SLC30A8: variants seen among roughly 807,000 people sequenced by gnomAD.
The protein encoded by SLC30A8 is proton-coupled zinc antiporter SLC30A8.
Under a neutral mutation model 36.9 loss-of-function variants are expected in SLC30A8, and 27 were observed. The ratio of observed to expected loss-of-function variants is 0.73; its 90% CI spans 0.54 to 1.01. SLC30A8 has a LOEUF of 1.01. SLC30A8 is among the 50% of genes least tolerant of loss of function. SLC30A8 has a pLI of 0.00. For synonymous variants in SLC30A8, 164 were observed against 172.4 expected, an observed-to-expected ratio of 0.95 and a Z score of 0.38; for missense variants, 439 against 452.0, an observed-to-expected ratio of 0.97 and a Z score of 0.26.
In SLC30A8 at chr8:117,173,947, C is replaced by G. The variant is rs1408810151; in HGVS notation, c.*1266C>G. On this transcript the variant is annotated 3_prime_UTR_variant, in exon 8 of 8. Coordinates refer to ENST00000456015, the MANE Select transcript of SLC30A8 (RefSeq NM_173851.3). ...TCACGTCATTGAGGTGACAGCTCTG[C>G]TGGACTTTGAATTACATATGGAGGC... is the stretch of plus-strand genomic sequence containing the variant. The G allele has an allele frequency of 6.6e-6, 1 of 152,092 alleles. No individual in the cohort carries two copies. Among genetic ancestry groups the G allele is most frequent in the Non-Finnish European group, 1.5e-5 (1 of 68,014 alleles). The allele number at this position is 152,092 out of a possible 1,614,324, so 9.4% of individuals were successfully genotyped here.
Position 117,021,136 on chromosome 8 carries a change from G to A in SLC30A8, c.-265-18083G>A, listed in dbSNP as rs913680660. ...CAGTTACCTTTTAAATGGTTATATA[G>A]GTACCTAGTGTAATAGCCTTGATTT... On this transcript the variant is annotated intron_variant, in intron 1 of 10. Transcript: ENST00000427715. Among the ~76,000 whole-genome samples, 6 of 152,234 alleles carry A rather than the reference G, an allele frequency of 3.9e-5. 1 individual carries two copies. Among genetic ancestry groups the A allele is most frequent in the Admixed American group, 3.9e-4 (6 of 15,298 alleles).
At chr8:117,044,050 T>G (rs1388715830) in intron 2 of SLC30A8, among the ~76,000 whole-genome samples, 1 of 152,110 alleles carries the variant, frequency 6.6e-6, no homozygotes, top group African/African-American at 2.4e-5. Context: ...GATGGAAGCG[T>G]AGGATGTGAT....
chr8:117,015,543 C>CT (rs1258168495), intron 1 of SLC30A8, among the ~76,000 whole-genome samples: 5 of 152,010 alleles, frequency 3.3e-5, no homozygotes, highest in African/African-American at 1.2e-4. Context: ...TGCACCCCCC[C>CT]CCCCCAAAAA....
chr8:117,053,499 A>T (rs1419383875), intron 2 of SLC30A8, among the ~76,000 whole-genome samples: 1 of 152,142 alleles, frequency 6.6e-6, no homozygotes, highest in Non-Finnish European at 1.5e-5. Flanking sequence ...ATCTGTATGG[A>T]TGGAAGAACC....
At chr8:116,959,243 A>T (rs1314362414) in intron 1 of SLC30A8, among the ~76,000 whole-genome samples, 1 of 152,046 alleles carries the variant, frequency 6.6e-6, no homozygotes, top group Non-Finnish European at 1.5e-5. Context: ...TTTCTGCAGT[A>T]TCTAATCGGC....
intron 2 of SLC30A8, among the ~76,000 whole-genome samples, chr8:117,065,634 C>G (rs1252930192): frequency 6.6e-6 from 1 of 152,090 alleles, no homozygotes; most frequent in Non-Finnish European, 1.5e-5. Context: ...TTTACACGGT[C>G]TCTGTGGGAG....
At chr8:117,032,152 C>T (rs1817073432) in intron 1 of SLC30A8, among the ~76,000 whole-genome samples, 1 of 151,478 alleles carries the variant, frequency 6.6e-6, no homozygotes, top group Non-Finnish European at 1.5e-5. Flanking sequence ...TCTTTTCCTG[C>T]CATGCTTTTT....
chr8:117,118,292 C>G (rs1820542126), intron 2 of SLC30A8, among the ~76,000 whole-genome samples: 1 of 151,662 alleles, frequency 6.6e-6, no homozygotes, highest in South Asian at 2.1e-4. Flanking sequence ...TTTAAAATCA[C>G]AAGTTGTCTT....
At chr8:116,952,396 T>G (rs1026584560) in intron 1 of SLC30A8, among the ~76,000 whole-genome samples, 1 of 152,176 alleles carries the variant, frequency 6.6e-6, no homozygotes, top group Admixed American at 6.5e-5. Context: ...ACACAAAAAT[T>G]ATCAGTCCCT....
intron 2 of SLC30A8, among the ~76,000 whole-genome samples, chr8:117,117,284 T>A (rs1475639090): frequency 6.6e-6 from 1 of 151,982 alleles, no homozygotes; most frequent in Non-Finnish European, 1.5e-5. Context: ...GGTATTATTG[T>A]CATCCCAATT....
At chr8:116,950,449 CTAGGAGACCTACTACCTATCTGA>C (rs1167424262), upstream of SLC30A8, 1 of 152,204 alleles carries the variant, frequency 6.6e-6, no homozygotes, top group Non-Finnish European at 1.5e-5. Context: ...GTTCTAATGC[CTAGGAGACCTACTACCTATCTGA>C]TTCTGTCAGA....
At chr8:117,116,111 A>G (rs998606537) in intron 2 of SLC30A8, among the ~76,000 whole-genome samples, 7 of 151,746 alleles carry the variant, frequency 4.6e-5, no homozygotes, top group Non-Finnish European at 8.8e-5. Flanking sequence ...AGAAATGACA[A>G]TAGGACCAGT....
intron 1 of SLC30A8, among the ~76,000 whole-genome samples, chr8:117,138,131 A>C (rs1164124567): frequency 6.6e-6 from 1 of 151,690 alleles, no homozygotes. Flanking sequence ...ACGAAAAACA[A>C]TCAATGTTTT....
intron 6 of SLC30A8, among the ~76,000 whole-genome samples, chr8:117,165,403 A>G (rs967391457): frequency 7.9e-5 from 12 of 152,222 alleles, no homozygotes; most frequent in African/African-American, 2.7e-4. Context: ...ACAGCAAGAT[A>G]TTCTCAATTT....
rs528348326 is a variant in SLC30A8 at position 117,016,331 on chromosome 8, G to T, written c.-265-22888G>T. ...TTGAATCAAAGAGTTTTTGAGTTAG[G>T]TGGTTTCAAACATTCTTTCTGCTGA... On this transcript the variant is annotated intron_variant, in intron 1 of 10. Transcript: ENST00000427715. Among the ~76,000 whole-genome samples the T allele has an allele frequency of 3.9e-5, 6 of 152,200 alleles. No homozygotes were observed. The East Asian group carries it at 5.8e-4, about 15-fold the overall frequency.
intron 2 of SLC30A8, among the ~76,000 whole-genome samples, chr8:117,122,678 C>T (rs895221218): frequency 3.3e-5 from 5 of 151,902 alleles, no homozygotes; most frequent in African/African-American, 9.7e-5. Flanking sequence ...TAGTGGAACC[C>T]AGTTATAGGC....
At chr8:117,018,656 C>A (rs1199148229) in intron 1 of SLC30A8, among the ~76,000 whole-genome samples, 1 of 141,070 alleles carries the variant, frequency 7.1e-6, no homozygotes, top group Non-Finnish European at 1.5e-5. Flanking sequence ...TGGGCCAAAT[C>A]TGACTAGCCC....
chr8:117,032,959 A>G (rs1024360524), intron 1 of SLC30A8, among the ~76,000 whole-genome samples: 2 of 152,056 alleles, frequency 1.3e-5, no homozygotes, highest in Admixed American at 6.6e-5. Context: ...CTTGTGTGGA[A>G]TGTTCCTGCT....
In SLC30A8 at chr8:117,110,908, G is replaced by A. The variant is rs114927975; in HGVS notation, c.-225-24372G>A. On this transcript the variant is annotated intron_variant, in intron 2 of 10. Transcript: ENST00000427715. ...GGACACCAAGGTTAGAGGCCGTCGG[G>A]TGATTAGCCTTAAAACAGGAAAGCA... Among the ~76,000 whole-genome samples the A allele has an allele frequency of 4.2e-3, 635 of 152,258 alleles. 7 individuals are homozygous for A. Among genetic ancestry groups the A allele is most frequent in the African/African-American group, 0.015 (608 of 41,554 alleles).
Sources: allele counts gnomAD v4.1 joint callset (sites outside exome capture counted in the v4.1 genomes callset), GRCh38; gene constraint gnomAD v4.1.1; transcripts MANE v1.5; gene names NCBI Gene and HGNC (gene_info 2026-07-23, HGNC 2026-07-21).